Variants in HAUS4 observed in about 807,000 individuals in gnomAD.
HAUS4 encodes the protein HAUS augmin-like complex subunit 4.
HAUS4 carries 34 observed loss-of-function variants against 50.6 expected under a neutral mutation model. The observed-to-expected ratio is 0.67, with a 90% CI of 0.51 to 0.90. HAUS4 has a LOEUF of 0.90. HAUS4 is among the 40% of genes least tolerant of loss of function. HAUS4 has a pLI of 0.00. For missense variants in HAUS4, 370 were observed against 428.7 expected (o/e 0.86, Z 1.21); for synonymous variants, 149 against 161.4 (o/e 0.92, Z 0.58).
Position 22,946,426 on chromosome 14 carries a change from C to T in HAUS4, c.*99G>A. ...TCAAGCGTAAGCATTTCCACACTCC[C>T]TTGTACTGAAGGCAGCCCCAGGTGA... On this transcript the variant is annotated 3_prime_UTR_variant, in exon 10 of 10. Coordinates refer to ENST00000541587, the MANE Select transcript of HAUS4 (RefSeq NM_001166269.2). 1.1e-6 allele frequency: 1 copy of T among 891,074 alleles called. No homozygotes were observed. The highest frequency in any genetic ancestry group is 1.7e-6 in the Non-Finnish European group (1 of 582,188). 55.2% of individuals were successfully genotyped at this position (891,074 alleles called of 1,614,324 possible).
chr14:22,946,381 G>A lies in HAUS4; in HGVS notation c.*144C>T. 1 of 519,162 alleles carries A rather than the reference G, an allele frequency of 1.9e-6. No homozygotes were observed. The highest frequency in any genetic ancestry group is 4.0e-5 in the South Asian group (1 of 25,264). The allele number at this position is 519,162 out of a possible 1,614,324, so 32.2% of individuals were successfully genotyped here. Reference sequence around the variant, plus strand: ...AAAAATAAAGAGAAACCAGGAGAGTGCCTAAATGACTGCAGTGTTTCAAGC... The same window carrying A: ...AAAAATAAAGAGAAACCAGGAGAGTACCTAAATGACTGCAGTGTTTCAAGC... On this transcript the variant is annotated 3_prime_UTR_variant, in exon 10 of 10. Transcript: ENST00000541587.
In HAUS4 at chr14:22,947,237, A is replaced by T. The variant is rs142619717; in HGVS notation, c.842T>A (p.Met281Lys). 145 of 1,599,366 alleles carry T rather than the reference A, an allele frequency of 9.1e-5. No homozygotes were observed. In the African/African-American group the frequency reaches 1.7e-3, roughly 19 times the overall value. ...GTCGGACAAAATCTTTAGCTCCTCC[A>T]TCCTGACAGAGGGAAGAAAGAAATG... ...KCGAMILKLR[M>K]EELKILSDTY... The change falls in exon 9 of 10, where the codon ATG becomes AAG. Residue 281 changes from methionine to lysine, a missense_variant and splice_region_variant. Coordinates refer to ENST00000541587, the MANE Select transcript of HAUS4 (RefSeq NM_001166269.2).
intron 5 of HAUS4, 40 bp from the exon 6 acceptor site, chr14:22,950,450 G>C (rs986681766): frequency 4.0e-6 from 5 of 1,254,546 alleles, no homozygotes; most frequent in Non-Finnish European, 5.9e-6. Context: ...CGAATAGACT[G>C]TAAAAACTAG....
At chr14:22,949,826 C>T (rs527489526) in intron 6 of HAUS4, among the ~76,000 whole-genome samples, 73 of 152,052 alleles carry the variant, frequency 4.8e-4, no homozygotes, top group Non-Finnish European at 9.1e-4. Context: ...TAAAAAGAGT[C>T]CTTACAAAGG....
chr14:22,950,497 A>AT (rs1460044481), intron 5 of HAUS4, 87 bp from the exon 6 acceptor site: 1 of 723,154 alleles, frequency 1.4e-6, no homozygotes, highest in Admixed American at 2.2e-5. Context: ...GATAACCTCA[A>AT]TAATAGCCAA....
At chr14:22,956,787 G>T (rs2044874035) in intron 1 of HAUS4, 129 bp downstream of exon 1, 1 of 153,550 alleles carries the variant, frequency 6.5e-6, no homozygotes, top group African/African-American at 2.4e-5. Context: ...GCTCTCCGGC[G>T]CCTACTTCCC....
At chr14:22,948,275 T>A in intron 6 of HAUS4, 1 of 418,566 alleles carries the variant, frequency 2.4e-6, no homozygotes, top group Non-Finnish European at 4.2e-6. Flanking sequence ...ATAGTGAGAC[T>A]CTGTCTCTAT....
At chr14:22,955,727 TG>T (rs1299938754) in intron 1 of HAUS4, among the ~76,000 whole-genome samples, 1 of 151,964 alleles carries the variant, frequency 6.6e-6, no homozygotes, top group Non-Finnish European at 1.5e-5. Context: ...ATTCCACACT[TG>T]AACAACTGGT....
chr14:22,946,613 T>C lies in HAUS4; in HGVS notation c.1004A>G (p.Asp335Gly). 1 of 1,613,944 alleles carries C rather than the reference T, an allele frequency of 6.2e-7. No individual in the cohort carries two copies. The highest frequency in any genetic ancestry group is 1.3e-5 in the African/African-American group (1 of 75,002). ...NSYEVLGEEF[D>G]RLVKEYTVLK... ...TACGGTGTACTCTTTCACCAGCCTGTCAAACTCCTCCCCAAGGACCTCATA... is the reference window on the plus strand; with the variant it reads ...TACGGTGTACTCTTTCACCAGCCTGCCAAACTCCTCCCCAAGGACCTCATA... The change falls in exon 10 of 10, where the codon GAC becomes GGC. Residue 335 changes from aspartate (D) to glycine (G), a missense_variant. Coordinates refer to ENST00000541587, the MANE Select transcript of HAUS4 (RefSeq NM_001166269.2).
intron 6 of HAUS4, 33 bp from the exon 7 acceptor site, chr14:22,948,046 C>T (rs780069628): frequency 3.8e-6 from 6 of 1,564,688 alleles, no homozygotes; most frequent in Non-Finnish European, 5.2e-6. Context: ...GACAGGAAAA[C>T]CCTAATCGCT....
At chr14:22,954,086 T>A (rs993365501) in intron 2 of HAUS4, among the ~76,000 whole-genome samples, 1 of 152,170 alleles carries the variant, frequency 6.6e-6, no homozygotes, top group Non-Finnish European at 1.5e-5. Context: ...CAAATACTTA[T>A]AATTGTCAGT....
intron 1 of HAUS4, 88 bp downstream of exon 1, chr14:22,956,828 G>T (rs1566649429): frequency 1.3e-5 from 2 of 154,242 alleles, no homozygotes; most frequent in African/African-American, 4.8e-5. Context: ...ATTCCCAAGA[G>T]CGACGACGGT....
chr14:22,949,346 G>A (rs1009938203), intron 6 of HAUS4, among the ~76,000 whole-genome samples: 4 of 151,558 alleles, frequency 2.6e-5, no homozygotes, highest in Admixed American at 2.0e-4. Context: ...TGGCTAACAC[G>A]GTGAAACCCC....
chr14:22,951,403 G>C, intron 5 of HAUS4, 152 bp downstream of exon 5: 1 of 767,194 alleles, frequency 1.3e-6, no homozygotes, highest in African/African-American at 1.8e-5. Flanking sequence ...GCTTTTACTT[G>C]CTCCTGTGTA....
chr14:22,952,673 T>A lies in HAUS4; in HGVS notation c.66A>T (p.Lys22Asn). The A allele has an allele frequency of 1.2e-6, 2 of 1,601,604 alleles. No homozygotes were observed. The highest frequency in any genetic ancestry group is 1.7e-6 in the Non-Finnish European group (2 of 1,176,188). ...TACTCAGGTTACAAGGAGGAAGTTG[T>A]TTGCTGCACACTTAACATCATGTCC... ...GMEILQQVCS[K>N]QLPPCNLSKE... Residue 22 changes from lysine (K) to asparagine (N), a missense_variant, in exon 3 of 10, where the codon AAA (lysine) becomes AAT (asparagine). Transcript: ENST00000541587.
intron 2 of HAUS4, among the ~76,000 whole-genome samples, chr14:22,953,176 G>T (rs935854663): frequency 1.8e-4 from 27 of 151,900 alleles, no homozygotes; most frequent in Admixed American, 5.3e-4. Flanking sequence ...TTGAGACAGG[G>T]TCTCACTCTG....
chr14:22,947,314 C>T, intron 8 of HAUS4, 75 bp from the exon 9 acceptor site: 1 of 1,006,714 alleles, frequency 9.9e-7, no homozygotes, highest in Non-Finnish European at 1.6e-6. Context: ...GACGTAGTAC[C>T]TGCCGACGGT....
At position 22,950,068 on chromosome 14, in the gene HAUS4, C is replaced by T. The variant is rs185541945; in HGVS notation, c.562+246G>A. Among the ~76,000 whole-genome samples the T allele has an allele frequency of 1.5e-4, 23 of 148,700 alleles. No individual in the cohort carries two copies. In the East Asian group the frequency reaches 1.6e-3, roughly 10 times the overall value. ...ACTTGAATCTAGGAGGAGGAGCTTGCGGTGAACAGAAATGGCGCCATTGCA... is the reference window on the plus strand; with the variant it reads ...ACTTGAATCTAGGAGGAGGAGCTTGTGGTGAACAGAAATGGCGCCATTGCA... On this transcript the variant is annotated intron_variant, in intron 6 of 9. Transcript: ENST00000541587.
At chr14:22,956,223 C>T (rs535066511) in intron 1 of HAUS4, among the ~76,000 whole-genome samples, 1 of 152,138 alleles carries the variant, frequency 6.6e-6, no homozygotes, top group Non-Finnish European at 1.5e-5. Context: ...CTCGGCCGGC[C>T]GTTGCTTCTG....
Sources: allele counts gnomAD v4.1 joint callset (sites outside exome capture counted in the v4.1 genomes callset), GRCh38; gene constraint gnomAD v4.1.1; transcripts MANE v1.5; gene names NCBI Gene and HGNC (gene_info 2026-07-23, HGNC 2026-07-21).